CAMSAP2: variants seen among roughly 807,000 people sequenced by gnomAD.
CAMSAP2 encodes the protein calmodulin-regulated spectrin-associated protein 2.
In CAMSAP2, 26 loss-of-function variants were observed where a neutral mutation model predicts 146.1. The observed-to-expected ratio is 0.18, with a 90% confidence interval of 0.13 to 0.25. CAMSAP2 has a LOEUF of 0.25. Among genes scored for constraint, CAMSAP2 ranks in the 10% least tolerant of loss-of-function variants. The pLI is 1.00. For missense variants in CAMSAP2, 1,381 were observed against 1,759.3 expected (o/e 0.78, Z 3.85); for synonymous variants, 499 against 596.6 (o/e 0.84, Z 2.38).
chr1:200,774,620 G>GTTA (rs909854152), intron 2 of CAMSAP2, among the ~76,000 whole-genome samples: 8 of 152,332 alleles, frequency 5.3e-5, no homozygotes, highest in African/African-American at 1.7e-4. Flanking sequence ...GGAATCATGT[G>GTTA]TTATTATAGT....
intron 6 of CAMSAP2, among the ~76,000 whole-genome samples, chr1:200,834,752 A>C (rs1249786672): frequency 6.6e-6 from 1 of 152,186 alleles, no homozygotes; most frequent in African/African-American, 2.4e-5. Flanking sequence ...TTGTCTTTAC[A>C]GAAAATAAAG....
chr1:200,788,371 G>A (rs1558178003), intron 2 of CAMSAP2, among the ~76,000 whole-genome samples: 1 of 152,182 alleles, frequency 6.6e-6, no homozygotes, highest in East Asian at 1.9e-4. Context: ...GTGGACATAA[G>A]TTTTCAGCTC....
chr1:200,810,444 C>T (rs990095819), intron 3 of CAMSAP2, among the ~76,000 whole-genome samples: 32 of 151,898 alleles, frequency 2.1e-4, no homozygotes, highest in African/African-American at 4.4e-4. Context: ...GGTATGGTGG[C>T]GGGTGCCTGT....
Position 200,768,426 on chromosome 1 carries a change from T to C in CAMSAP2, c.399+7328T>C, listed in dbSNP as rs949915870. Among the ~76,000 whole-genome samples, 4 of 152,222 alleles carry C rather than the reference T, an allele frequency of 2.6e-5. No homozygotes were observed. The East Asian group carries it at 7.7e-4, about 29-fold the overall frequency. ...CACAGAGTTAGATAGGGTTAGGGCA[T>C]GAATGATGTTTTGTGCTATGCCAAG... On this transcript the variant is annotated intron_variant, in intron 2 of 16. Coordinates refer to ENST00000358823, the MANE Select transcript of CAMSAP2 (RefSeq NM_203459.4).
intron 6 of CAMSAP2, among the ~76,000 whole-genome samples, chr1:200,835,686 G>A (rs1358171938): frequency 1.3e-5 from 2 of 152,122 alleles, no homozygotes; most frequent in African/African-American, 2.4e-5. Context: ...AGAATGAAAG[G>A]TAATATCATT....
rs769926936 is a variant in CAMSAP2, at chr1:200,848,260, C to T, written c.1491C>T (p.Asp497=). The T allele has an allele frequency of 3.7e-6, 6 of 1,613,242 alleles. No individual in the cohort carries two copies. In the East Asian group the frequency reaches 1.3e-4, roughly 36 times the overall value. Residue 497 remains aspartate, a synonymous_variant, in exon 11 of 17, where the codon GAC becomes GAT. Transcript: ENST00000358823. ...AACTTAATATAGATTCTCACAGTGA[C>T]CTCAAATCTTGTGTGCCCCTTAACA... The part of the protein sequence containing the change: ...EEELNIDSHS[D]LKSCVPLNTN...
rs1273790957 is a variant in CAMSAP2, at chr1:200,858,761, T to C, written c.*702T>C. On this transcript the variant is annotated 3_prime_UTR_variant, in exon 17 of 17. Transcript: ENST00000358823. ...GCTAGTAGGTTCGCTTTAAACCACA[T>C]GAGCTTAACCAAGAATATGTTATGA... 6.5e-6 allele frequency: 1 copy of C among 152,678 alleles called. No homozygotes were observed. The highest frequency in any genetic ancestry group is 1.5e-5 in the Non-Finnish European group (1 of 67,926). The allele number at this position is 152,678 out of a possible 1,614,324, so 9.5% of individuals were successfully genotyped here.
intron 2 of CAMSAP2, among the ~76,000 whole-genome samples, chr1:200,773,796 G>T (rs932966147): frequency 6.6e-6 from 1 of 151,820 alleles, no homozygotes; most frequent in Non-Finnish European, 1.5e-5. Context: ...TGAGGTGGGC[G>T]GATTGCTGGA....
At chr1:200,763,352 A>G (rs188948967) in intron 2 of CAMSAP2, among the ~76,000 whole-genome samples, 2 of 152,246 alleles carry the variant, frequency 1.3e-5, no homozygotes, top group African/African-American at 4.8e-5. Flanking sequence ...TAGCCTGGCT[A>G]ACATGGCGAA....
intron 2 of CAMSAP2, among the ~76,000 whole-genome samples, chr1:200,801,692 C>A (rs1253965439): frequency 6.6e-6 from 1 of 152,082 alleles, no homozygotes; most frequent in Non-Finnish European, 1.5e-5. Flanking sequence ...GATTTTCAAT[C>A]TCTGATATCC....
intron 11 of CAMSAP2, 133 bp from the exon 12 acceptor site, chr1:200,852,408 C>G (rs10800743): frequency 2.2e-6 from 2 of 901,328 alleles, no homozygotes; most frequent in Non-Finnish European, 3.3e-6. Context: ...CTCAACCACA[C>G]CCACATTCAG....
chr1:200,843,632 T>G (rs1202228876), intron 7 of CAMSAP2, among the ~76,000 whole-genome samples: 3 of 152,192 alleles, frequency 2.0e-5, no homozygotes, highest in Admixed American at 6.5e-5. Context: ...TTGCATCAGA[T>G]CTCAAAGTCA....
chr1:200,743,631 C>T (rs1015007229), intron 1 of CAMSAP2, among the ~76,000 whole-genome samples: 1 of 151,454 alleles, frequency 6.6e-6, no homozygotes, highest in African/African-American at 2.4e-5. Context: ...TGGTAGGGGG[C>T]GGGTATGATA....
At position 200,848,893 on chromosome 1, in the gene CAMSAP2, T is replaced by G. The variant is rs752793867; in HGVS notation, c.2124T>G (p.Ser708Arg). 2 of 1,613,988 alleles carry G rather than the reference T, an allele frequency of 1.2e-6. No homozygotes were observed. The highest frequency in any genetic ancestry group is 2.7e-5 in the African/African-American group (2 of 74,902). The change falls in exon 11 of 17, where the codon AGT becomes AGG. Residue 708 changes from serine to arginine, a missense_variant. By Grantham distance (110) the Ser-to-Arg change is moderately radical. Transcript: ENST00000358823. ...NHTDGKSSGS[S>R]SQKTTPEGSE... ...CCGATGGAAAAAGTAGTGGAAGCAG[T>G]TCTCAAAAAACTACACCAGAAGGCT...
At chr1:200,789,925 G>A (rs936441553) in intron 2 of CAMSAP2, among the ~76,000 whole-genome samples, 1 of 152,124 alleles carries the variant, frequency 6.6e-6, no homozygotes, top group Non-Finnish European at 1.5e-5. Context: ...ATGGTATTTT[G>A]TTTTTAATTT....
intron 1 of CAMSAP2, among the ~76,000 whole-genome samples, chr1:200,748,785 T>C (rs1664416735): frequency 6.6e-6 from 1 of 151,984 alleles, no homozygotes; most frequent in Non-Finnish European, 1.5e-5. Context: ...GTATACTTTA[T>C]ACGTGGTGTA....
Position 200,832,306 on chromosome 1 carries a change from T to C in CAMSAP2, c.752T>C (p.Ile251Thr), listed in dbSNP as rs776260341. ...GTDGCALAALIHFYCPDVVRL... is the reference protein window; with the variant it reads ...GTDGCALAALTHFYCPDVVRL... ...GATGGCTGTGCATTAGCTGCCCTTA[T>C]TCATTTTTACTGTCCTGATGTTGTC... Residue 251 changes from isoleucine (I) to threonine (T), a missense_variant, in exon 5 of 17, where the codon ATT becomes ACT. By Grantham distance (89) the Ile-to-Thr change is moderately conservative (BLOSUM62 -1). Around this residue, in one of 4 missense-constraint regions of CAMSAP2, gnomAD observed 284 missense variants for 406.9 expected, o/e 0.70. Coordinates refer to ENST00000358823, the MANE Select transcript of CAMSAP2 (RefSeq NM_203459.4). The surrounding 1 kb of genome is among the most constrained non-coding windows in gnomAD (Gnocchi z 4.2). 1 of 1,613,648 alleles carries C rather than the reference T, an allele frequency of 6.2e-7. No homozygotes were observed. The highest frequency in any genetic ancestry group is 8.5e-7 in the Non-Finnish European group (1 of 1,179,762).
At position 200,816,838 on chromosome 1, in the gene CAMSAP2, A is replaced by G. The variant is rs576250574; in HGVS notation, c.645+1194A>G. On this transcript the variant is annotated intron_variant, in intron 4 of 16. Coordinates refer to ENST00000358823, the MANE Select transcript of CAMSAP2 (RefSeq NM_203459.4). Reference sequence around the variant, plus strand: ...TGTGTGTACACACACACGCGTGTGTATGTGTGTACACACACACGCGTGTGT... The same window carrying G: ...TGTGTGTACACACACACGCGTGTGTGTGTGTGTACACACACACGCGTGTGT... Among the ~76,000 whole-genome samples, 80 of 80,196 alleles carry G rather than the reference A, an allele frequency of 1.0e-3. 22 individuals are homozygous for G. The highest frequency in any genetic ancestry group is 1.6e-3 in the Non-Finnish European group (64 of 41,102). 52.6% of individuals were successfully genotyped at this position (80,196 alleles called of 152,430 possible).
At chr1:200,822,861 C>T (rs572423473) in intron 4 of CAMSAP2, among the ~76,000 whole-genome samples, 35 of 152,304 alleles carry the variant, frequency 2.3e-4, no homozygotes, top group African/African-American at 8.2e-4. Context: ...CTCCTCAGAA[C>T]AGCATGCAAT....
Sources: allele counts gnomAD v4.1 joint callset (sites outside exome capture counted in the v4.1 genomes callset), GRCh38; gene constraint gnomAD v4.1.1; regional missense constraint gnomAD v4.1.1; non-coding constraint Gnocchi (gnomAD v3.1); transcripts MANE v1.5; gene names NCBI Gene and HGNC (gene_info 2026-07-23, HGNC 2026-07-21).